The following MORC1 variants were observed in gnomAD, a reference collection of about 807,000 sequenced individuals.
MORC1 encodes MORC family CW-type zinc finger 1.
In MORC1, 59 loss-of-function variants were observed where a neutral mutation model predicts 134.9. The observed-to-expected ratio is 0.44, with a 90% CI of 0.35 to 0.54. The LOEUF (loss-of-function observed/expected upper bound fraction) is 0.54. Among genes scored for constraint, MORC1 ranks in the 20% least tolerant of loss-of-function variants. MORC1 has a pLI of 0.00. For missense variants in MORC1, 947 were observed against 1,134.5 expected (o/e 0.83, Z 2.37); for synonymous variants, 395 against 391.7 (o/e 1.01, Z -0.10).
chr3:109,100,299 G>C (rs1365385021), intron 5 of MORC1, 118 bp downstream of exon 5: 1 of 791,726 alleles, frequency 1.3e-6, no homozygotes, highest in African/African-American at 1.8e-5. Context: ...GGTCACCCCT[G>C]CCTCAAGTTT....
intron 7 of MORC1, among the ~76,000 whole-genome samples, chr3:109,094,111 T>G (rs1043797104): frequency 3.3e-5 from 5 of 152,152 alleles, no homozygotes; most frequent in Admixed American, 6.5e-5. Context: ...GGAGAATACA[T>G]AAATGAATGA....
At chr3:109,091,672 T>C (rs1013775916) in intron 8 of MORC1, among the ~76,000 whole-genome samples, 3 of 152,086 alleles carry the variant, frequency 2.0e-5, no homozygotes, top group African/African-American at 7.2e-5. Context: ...GGCCATGAAA[T>C]ATATCGCGTC....
At chr3:109,072,753 C>T (rs1950344466) in intron 8 of MORC1, among the ~76,000 whole-genome samples, 2 of 152,168 alleles carry the variant, frequency 1.3e-5, no homozygotes, top group Admixed American at 1.3e-4. Flanking sequence ...TCCACACTCA[C>T]CAGGAACTGT....
intron 21 of MORC1, among the ~76,000 whole-genome samples, chr3:109,000,342 T>G (rs1384093627): frequency 6.6e-6 from 1 of 152,190 alleles, no homozygotes; most frequent in Non-Finnish European, 1.5e-5. Context: ...AAAGGTGCCG[T>G]GGACTAGGGG....
intron 17 of MORC1, 48 bp from the exon 18 acceptor site, chr3:109,007,139 T>C: frequency 7.1e-7 from 1 of 1,402,480 alleles, no homozygotes; most frequent in South Asian, 1.2e-5. Flanking sequence ...AAAAATAAGC[T>C]TCAACTGGCA....
intron 17 of MORC1, among the ~76,000 whole-genome samples, chr3:109,017,848 T>C (rs977306257): frequency 6.6e-6 from 1 of 152,220 alleles, no homozygotes; most frequent in African/African-American, 2.4e-5. Flanking sequence ...ATGACACTTA[T>C]AACTTCTCCC....
intron 14 of MORC1, among the ~76,000 whole-genome samples, chr3:109,043,213 G>C (rs1005243114): frequency 4.3e-5 from 6 of 140,436 alleles, no homozygotes; most frequent in Admixed American, 1.5e-4. Flanking sequence ...GTGTATAACA[G>C]AATATTATTC....
At chr3:108,996,597 T>C (rs556562361) in intron 21 of MORC1, among the ~76,000 whole-genome samples, 10 of 152,280 alleles carry the variant, frequency 6.6e-5, no homozygotes, top group South Asian at 2.1e-4. Context: ...CAAATCCCAG[T>C]TGGAAACTTC....
intron 27 of MORC1, among the ~76,000 whole-genome samples, chr3:108,961,426 T>C (rs1947076458): frequency 1.3e-5 from 2 of 152,188 alleles, no homozygotes; most frequent in African/African-American, 4.8e-5. Flanking sequence ...CTGTTAGATA[T>C]AATCTCATCT....
chr3:108,972,425 TTAAGTA>T (rs761963786), intron 24 of MORC1, among the ~76,000 whole-genome samples: 1 of 152,180 alleles, frequency 6.6e-6, no homozygotes, highest in Non-Finnish European at 1.5e-5. Flanking sequence ...TCCCCATACT[TTAAGTA>T]TATTATTTGT....
At chr3:108,994,946 T>C (rs1343706878) in intron 21 of MORC1, among the ~76,000 whole-genome samples, 1 of 152,208 alleles carries the variant, frequency 6.6e-6, no homozygotes, top group Non-Finnish European at 1.5e-5. Flanking sequence ...GTAATTTGGA[T>C]GAGCTGTTTA....
At chr3:108,988,298 G>A (rs1947950542) in intron 21 of MORC1, among the ~76,000 whole-genome samples, 1 of 152,058 alleles carries the variant, frequency 6.6e-6, no homozygotes, top group Admixed American at 6.5e-5. Context: ...TGGATAAGGG[G>A]AAAATAAATA....
intron 2 of MORC1, among the ~76,000 whole-genome samples, chr3:109,113,531 C>T (rs1344997371): frequency 1.3e-5 from 2 of 152,128 alleles, no homozygotes; most frequent in Admixed American, 1.3e-4. Flanking sequence ...GGAATTTAGG[C>T]TCCTACTGAG....
chr3:109,094,885 T>C (rs1165281488), intron 7 of MORC1, 24 bp downstream of exon 7: 15 of 1,535,216 alleles, frequency 9.8e-6, no homozygotes, highest in Non-Finnish European at 1.3e-5. Context: ...TTCCATCAAA[T>C]TGTCAGAGTT....
intron 21 of MORC1, among the ~76,000 whole-genome samples, chr3:108,991,845 A>G (rs552602713): frequency 1.3e-5 from 2 of 152,260 alleles, no homozygotes; most frequent in Non-Finnish European, 2.9e-5. Flanking sequence ...CCAGATTGCC[A>G]TCTCAGAACT....
At chr3:108,989,631 A>C (rs1431166019) in intron 21 of MORC1, among the ~76,000 whole-genome samples, 5 of 152,138 alleles carry the variant, frequency 3.3e-5, no homozygotes, top group African/African-American at 1.2e-4. Flanking sequence ...TGATTTCTTT[A>C]CTTCTACTCC....
At chr3:109,051,230 T>A (rs1949818778) in intron 14 of MORC1, among the ~76,000 whole-genome samples, 1 of 152,140 alleles carries the variant, frequency 6.6e-6, no homozygotes, top group African/African-American at 2.4e-5. Flanking sequence ...CCTCTCCATT[T>A]CTCTTTTTGC....
intron 16 of MORC1, among the ~76,000 whole-genome samples, chr3:109,030,607 T>C (rs1949219181): frequency 1.3e-5 from 2 of 152,196 alleles, no homozygotes; most frequent in Non-Finnish European, 1.5e-5. Flanking sequence ...ATTTAAAGAA[T>C]CAAGGACTTA....
At chr3:109,003,542 T>G (rs565178910) in intron 20 of MORC1, among the ~76,000 whole-genome samples, 1 of 152,110 alleles carries the variant, frequency 6.6e-6, no homozygotes, top group Non-Finnish European at 1.5e-5. Context: ...AACATATCTA[T>G]ACAATAAACT....
Sources: gnomAD v4.1 joint callset for allele counts (sites outside exome capture counted in the v4.1 genomes callset) on GRCh38, gnomAD v4.1.1 for gene constraint, MANE v1.5 for transcripts, NCBI Gene and HGNC (gene_info 2026-07-23, HGNC 2026-07-21) for gene names.